UQCC1: variants seen among roughly 807,000 people sequenced by gnomAD.
The protein encoded by UQCC1 is bFGF-repressed Zic-binding protein.
UQCC1 carries 38 observed loss-of-function variants against 48.0 expected under a neutral mutation model. The ratio of observed to expected loss-of-function variants is 0.79; its 90% CI spans 0.61 to 1.04. UQCC1 has a LOEUF of 1.04. UQCC1 is among the 50% of genes least tolerant of loss of function. The pLI is 0.00. For synonymous variants in UQCC1, 111 were observed against 129.2 expected (o/e 0.86, Z 0.95); for missense variants, 368 against 381.8 (o/e 0.96, Z 0.30).
At chr20:35,385,229 C>T (rs954973014) in intron 2 of UQCC1, among the ~76,000 whole-genome samples, 3 of 152,164 alleles carry the variant, frequency 2.0e-5, no homozygotes, top group Non-Finnish European at 4.4e-5. Flanking sequence ...TATAAAGTGC[C>T]TTTCACAAAA....
At chr20:35,397,285 G>C (rs2062093543) in intron 1 of UQCC1, among the ~76,000 whole-genome samples, 1 of 151,856 alleles carries the variant, frequency 6.6e-6, no homozygotes, top group Non-Finnish European at 1.5e-5. Context: ...GGAGGCCGAG[G>C]CTGGCGGATC....
chr20:35,322,353 C>T (rs896199566), intron 7 of UQCC1, among the ~76,000 whole-genome samples: 1 of 151,936 alleles, frequency 6.6e-6, no homozygotes, highest in Non-Finnish European at 1.5e-5. Flanking sequence ...CTTATTTGTG[C>T]CTCACAACCA....
At chr20:35,373,859 C>T (rs951783116) in intron 5 of UQCC1, among the ~76,000 whole-genome samples, 16 of 151,982 alleles carry the variant, frequency 1.1e-4, no homozygotes, top group African/African-American at 3.6e-4. Flanking sequence ...TCCTTTTGCT[C>T]TCTGTTTACT....
chr20:35,410,504 C>T (rs949809216), intron 1 of UQCC1, among the ~76,000 whole-genome samples: 2 of 149,568 alleles, frequency 1.3e-5, no homozygotes, highest in African/African-American at 4.9e-5. Flanking sequence ...TGAACTCCAC[C>T]CTGGGTGACA....
chr20:35,337,211 CAG>C (rs1318542121), intron 7 of UQCC1, among the ~76,000 whole-genome samples: 2 of 147,892 alleles, frequency 1.4e-5, no homozygotes, highest in South Asian at 2.1e-4. Flanking sequence ...TTTTTTGAGA[CAG>C]AGTCTTGCTC....
Position 35,306,656 on chromosome 20 carries a change from G to T in UQCC1, c.765+10C>A, listed in dbSNP as rs779254079. 5 of 1,606,138 alleles carry T rather than the reference G, an allele frequency of 3.1e-6. No homozygotes were observed. Among genetic ancestry groups the T allele is most frequent in the South Asian group, 2.2e-5 (2 of 90,946 alleles). On this transcript the variant is annotated intron_variant, in intron 9 of 9. Transcript: ENST00000374385. ...CCAGGACTTGGGAGGGGAGGGAAAG[G>T]GTCACTCACCTGTTTCCTCACATAC...
At position 35,364,186 on chromosome 20, in the gene UQCC1, C is replaced by T. The variant is rs77743617; in HGVS notation, c.464+2371G>A. 3.2e-3 allele frequency among the ~76,000 whole-genome samples: 489 copies of T among 152,340 alleles called. 1 individual carries two copies. The highest frequency in any genetic ancestry group is 0.011 in the African/African-American group (460 of 41,578). On this transcript the variant is annotated intron_variant, in intron 6 of 9. Transcript: ENST00000374385. ...TCAATCTAAAATGCCCACCCTTTCT[C>T]TGACAGAAATTCTAGTCACTCTTCG...
At chr20:35,348,873 T>C (rs2061460090) in intron 6 of UQCC1, among the ~76,000 whole-genome samples, 1 of 152,188 alleles carries the variant, frequency 6.6e-6, no homozygotes, top group Non-Finnish European at 1.5e-5. Flanking sequence ...CAAGCAGATC[T>C]CAAACTCCTG....
chr20:35,405,724 C>T (rs2062241474), intron 1 of UQCC1, among the ~76,000 whole-genome samples: 1 of 152,106 alleles, frequency 6.6e-6, no homozygotes, highest in South Asian at 2.1e-4. Flanking sequence ...CCCATCTCTA[C>T]TAAAAATACA....
At chr20:35,360,239 TCAC>T (rs1160627286) in intron 6 of UQCC1, among the ~76,000 whole-genome samples, 4 of 152,150 alleles carry the variant, frequency 2.6e-5, no homozygotes, top group Non-Finnish European at 4.4e-5. Context: ...TGGCCAGGGC[TCAC>T]CATGTATAGC....
intron 5 of UQCC1, among the ~76,000 whole-genome samples, chr20:35,370,406 C>T (rs2061717597): frequency 6.6e-6 from 1 of 152,020 alleles, no homozygotes; most frequent in African/African-American, 2.4e-5. Flanking sequence ...ACAGGAAAGT[C>T]AGTGTAATTA....
intron 3 of UQCC1, among the ~76,000 whole-genome samples, chr20:35,382,563 A>G (rs1457198358): frequency 8.2e-6 from 1 of 121,666 alleles, no homozygotes; most frequent in Non-Finnish European, 1.6e-5. Context: ...CCCAGGCTGG[A>G]GTGCAGTGGC....
intron 4 of UQCC1, 101 bp downstream of exon 4, chr20:35,381,817 T>C (rs2061873046): frequency 1.4e-6 from 1 of 739,068 alleles, no homozygotes; most frequent in Admixed American, 2.4e-5. Flanking sequence ...CAAAATAATG[T>C]ATGAATTCCA....
intron 1 of UQCC1, 99 bp from the exon 2 acceptor site, chr20:35,394,295 T>C (rs1041479434): frequency 7.3e-6 from 8 of 1,103,064 alleles, no homozygotes; most frequent in African/African-American, 1.6e-5. Context: ...ATTAGAAATA[T>C]ATATTTGGCC....
chr20:35,391,146 A>G (rs887059922), intron 2 of UQCC1, among the ~76,000 whole-genome samples: 2 of 151,894 alleles, frequency 1.3e-5, no homozygotes, highest in Non-Finnish European at 2.9e-5. Context: ...GTGAGCCAAG[A>G]TCGCACCACT....
chr20:35,339,795 T>C (rs1014694184), intron 7 of UQCC1, among the ~76,000 whole-genome samples: 4 of 152,166 alleles, frequency 2.6e-5, no homozygotes, highest in African/African-American at 9.6e-5. Flanking sequence ...TGTATATGTA[T>C]GGGTAGAGAT....
At chr20:35,320,515 G>T (rs1034209619) in intron 7 of UQCC1, among the ~76,000 whole-genome samples, 1 of 152,248 alleles carries the variant, frequency 6.6e-6, no homozygotes, top group Non-Finnish European at 1.5e-5. Flanking sequence ...CACAGCTCAG[G>T]CTATCTGCAG....
intron 6 of UQCC1, among the ~76,000 whole-genome samples, chr20:35,365,738 G>C (rs1408053558): frequency 6.6e-6 from 1 of 151,648 alleles, no homozygotes; most frequent in African/African-American, 2.4e-5. Context: ...GAGTACAGAG[G>C]AAGAAACATT....
At chr20:35,353,948 G>C (rs1236852183) in intron 6 of UQCC1, among the ~76,000 whole-genome samples, 1 of 151,952 alleles carries the variant, frequency 6.6e-6, no homozygotes, top group African/African-American at 2.4e-5. Flanking sequence ...TTCTTATATT[G>C]CATTTTTACT....
Sources: gnomAD v4.1 joint callset for allele counts (sites outside exome capture counted in the v4.1 genomes callset) on GRCh38, gnomAD v4.1.1 for gene constraint, MANE v1.5 for transcripts, NCBI Gene and HGNC (gene_info 2026-07-23, HGNC 2026-07-21) for gene names.